SHROOM3: variants seen among roughly 807,000 people sequenced by gnomAD.
SHROOM3 encodes shroom family member 3, also known as protein Shroom3.
In SHROOM3, 47 loss-of-function variants were observed where a neutral mutation model predicts 138.6. That is an observed-to-expected ratio of 0.34 (90% confidence interval 0.27 to 0.43). The LOEUF is 0.43. SHROOM3 is among the 20% of genes least tolerant of loss of function. SHROOM3 has a pLI of 1.00. For synonymous variants in SHROOM3, 1,062 were observed against 1,063.3 expected, an observed-to-expected ratio of 1.00 and a Z score of 0.02; for missense variants, 2,491 against 2,596.5, an observed-to-expected ratio of 0.96 and a Z score of 0.88.
At chr4:76,583,036 C>A (rs185395763) in intron 2 of SHROOM3, among the ~76,000 whole-genome samples, 1 of 152,184 alleles carries the variant, frequency 6.6e-6, no homozygotes, top group Non-Finnish European at 1.5e-5. Context: ...ACATGAGGAA[C>A]AGATGCGTTT....
In SHROOM3 at chr4:76,739,290, A is replaced by G. The variant is rs372029011; in HGVS notation, c.1117A>G (p.Thr373Ala). The G allele has an allele frequency of 3.6e-5, 58 of 1,613,908 alleles. No individual in the cohort carries two copies. Among genetic ancestry groups the G allele is most frequent in the Non-Finnish European group, 8.5e-6 (10 of 1,180,012 alleles). The change falls in exon 5 of 11, where the codon ACG becomes GCG. Residue 373 changes from threonine (T) to alanine (A), a missense_variant. By Grantham distance (58) the Thr-to-Ala change is moderately conservative (BLOSUM62 0). This residue lies in a region of SHROOM3 where 1,733 missense variants were observed against 1,661.6 expected (regional missense o/e 1.04). Transcript: ENST00000296043. ...GTGCCCCAGTTCCTTGGAGACTGCCACGGACAACCTTCCTCCTAAGGTGGG... is the reference window on the plus strand; with the variant it reads ...GTGCCCCAGTTCCTTGGAGACTGCCGCGGACAACCTTCCTCCTAAGGTGGG... ...QQCPSSLETA[T>A]DNLPPKVGAP...
Position 76,488,851 on chromosome 4 carries a change from CAA to C in SHROOM3, c.168+52634_168+52635del, listed in dbSNP as rs548851092. On this transcript the variant is annotated intron_variant, in intron 1 of 10. Transcript: ENST00000296043. ...GATTCTCACAACAATCCTATGAGGT[CAA>C]AACTTGTTTTTATCCCCAATTTAGA... Among the ~76,000 whole-genome samples the C allele has an allele frequency of 2.1e-3, 256 of 120,758 alleles. 1 individual carries two copies. The highest frequency in any genetic ancestry group is 6.6e-3 in the African/African-American group (247 of 37,642). The allele number at this position is 120,758 out of a possible 152,430, so 79.2% of individuals were successfully genotyped here.
In SHROOM3 at chr4:76,754,434, T is replaced by G. The variant is rs991613138; in HGVS notation, c.3951T>G (p.Pro1317=). ...ATTCCTCCGTTCCTAGTGAATGTCCTGGAACCCTGGACCATCAGAGGCAAG... is the reference window on the plus strand; with the variant it reads ...ATTCCTCCGTTCCTAGTGAATGTCCGGGAACCCTGGACCATCAGAGGCAAG... ...IGDSSVPSEC[P]GTLDHQRQAS... Residue 1317 remains proline, a synonymous_variant, in exon 7 of 11, where the codon CCT becomes CCG. Transcript: ENST00000296043. 2 of 1,613,998 alleles carry G rather than the reference T, an allele frequency of 1.2e-6. No individual in the cohort carries two copies. Among genetic ancestry groups the G allele is most frequent in the Non-Finnish European group, 1.7e-6 (2 of 1,180,004 alleles).
At chr4:76,565,323 A>G (rs544365135) in intron 2 of SHROOM3, among the ~76,000 whole-genome samples, 1 of 152,226 alleles carries the variant, frequency 6.6e-6, no homozygotes, top group Admixed American at 6.5e-5. Context: ...GATGAGTCCC[A>G]TTTAGAAGAT....
intron 1 of SHROOM3, among the ~76,000 whole-genome samples, chr4:76,533,589 A>T (rs1351278958): frequency 6.6e-6 from 1 of 152,214 alleles, no homozygotes; most frequent in Non-Finnish European, 1.5e-5. Context: ...ACCTTAGAGA[A>T]CACTGATGTG....
At chr4:76,722,304 T>C (rs977850489) in intron 3 of SHROOM3, among the ~76,000 whole-genome samples, 13 of 152,194 alleles carry the variant, frequency 8.5e-5, no homozygotes, top group African/African-American at 3.1e-4. Flanking sequence ...GTGCTACCTA[T>C]ACACCATGGA....
At chr4:76,710,408 G>A (rs544226022) in intron 3 of SHROOM3, 121 bp downstream of exon 3, 1 of 1,219,264 alleles carries the variant, frequency 8.2e-7, no homozygotes, top group African/African-American at 1.5e-5. Context: ...TTGAGAGAGA[G>A]GTAAGAGGCA....
chr4:76,443,476 A>G (rs972011676), intron 1 of SHROOM3, among the ~76,000 whole-genome samples: 2 of 152,238 alleles, frequency 1.3e-5, no homozygotes, highest in South Asian at 4.1e-4. Context: ...TAACTAATCC[A>G]TAGACAGACT....
chr4:76,562,649 C>T (rs1733624205), intron 2 of SHROOM3, among the ~76,000 whole-genome samples: 2 of 152,080 alleles, frequency 1.3e-5, no homozygotes, highest in Admixed American at 1.3e-4. Flanking sequence ...TCACTACCAC[C>T]TCCTCACTTC....
chr4:76,491,462 C>T (rs1317666975), intron 1 of SHROOM3, among the ~76,000 whole-genome samples: 2 of 152,142 alleles, frequency 1.3e-5, no homozygotes, highest in Non-Finnish European at 2.9e-5. Context: ...TCCTAGACTC[C>T]CTTGCATGTG....
chr4:76,561,291 T>C (rs757447623), intron 2 of SHROOM3, among the ~76,000 whole-genome samples: 1 of 152,150 alleles, frequency 6.6e-6, no homozygotes, highest in Non-Finnish European at 1.5e-5. Flanking sequence ...CTAGTAGTAG[T>C]AGTATCAGTG....
chr4:76,505,266 C>T (rs1361212696), intron 1 of SHROOM3, among the ~76,000 whole-genome samples: 1 of 152,184 alleles, frequency 6.6e-6, no homozygotes, highest in Non-Finnish European at 1.5e-5. Flanking sequence ...TAGTACCCAC[C>T]TTACTAAGGT....
intron 3 of SHROOM3, chr4:76,716,058 G>A (rs1720363764): frequency 5.0e-6 from 1 of 198,556 alleles, no homozygotes; most frequent in Non-Finnish European, 1.0e-5. Context: ...CACAAAAATA[G>A]AATTCCAGCA....
At chr4:76,563,822 C>A (rs1733645548) in intron 2 of SHROOM3, among the ~76,000 whole-genome samples, 1 of 152,248 alleles carries the variant, frequency 6.6e-6, no homozygotes, top group Non-Finnish European at 1.5e-5. Flanking sequence ...ACACAGAAGA[C>A]AAATGAGAAA....
chr4:76,670,456 G>A (rs539255070), intron 2 of SHROOM3, among the ~76,000 whole-genome samples: 1 of 152,252 alleles, frequency 6.6e-6, no homozygotes, highest in African/African-American at 2.4e-5. Context: ...GATTGGGCAT[G>A]AGGGAATTTT....
At chr4:76,621,484 G>C (rs1413538227) in intron 2 of SHROOM3, among the ~76,000 whole-genome samples, 1 of 152,208 alleles carries the variant, frequency 6.6e-6, no homozygotes, top group Non-Finnish European at 1.5e-5. Context: ...TTGAGCCTTG[G>C]AGGTTATTTA....
Position 76,741,648 on chromosome 4 carries a change from A to G in SHROOM3, c.3475A>G (p.Thr1159Ala). ...PRREATLLPA[T>A]VAETQQAPRD... ...CAGGGAGGCCACGCTCCTGCCGGCCACAGTTGCAGAAACCCAGCAGGCTCC... is the reference window on the plus strand; with the variant it reads ...CAGGGAGGCCACGCTCCTGCCGGCCGCAGTTGCAGAAACCCAGCAGGCTCC... Residue 1159 changes from threonine to alanine, a missense_variant, in exon 5 of 11, where the codon ACA (threonine) becomes GCA (alanine). Around this residue, in one of 4 missense-constraint regions of SHROOM3, gnomAD observed 1,733 missense variants for 1,661.6 expected, o/e 1.04. Coordinates refer to ENST00000296043, the MANE Select transcript of SHROOM3 (RefSeq NM_020859.4). This position sits in a 1 kb window ranked among gnomAD's most constrained non-coding sequence, Gnocchi z 6.2. The G allele has an allele frequency of 6.5e-7, 1 of 1,546,642 alleles. No homozygotes were observed. The highest frequency in any genetic ancestry group is 1.4e-5 in the African/African-American group (1 of 73,538).
intron 1 of SHROOM3, among the ~76,000 whole-genome samples, chr4:76,526,195 C>T (rs923836423): frequency 3.3e-5 from 5 of 152,040 alleles, no homozygotes; most frequent in African/African-American, 9.7e-5. Context: ...GGTGAAACCC[C>T]ATCTCTACTA....
chr4:76,774,920 A>C (rs62303168), intron 10 of SHROOM3, among the ~76,000 whole-genome samples: 5 of 151,700 alleles, frequency 3.3e-5, no homozygotes. Context: ...AAGTGATCTT[A>C]TTTCTTGATT....
Sources: allele counts gnomAD v4.1 joint callset (sites outside exome capture counted in the v4.1 genomes callset), GRCh38; gene constraint gnomAD v4.1.1; regional missense constraint gnomAD v4.1.1; non-coding constraint Gnocchi (gnomAD v3.1); transcripts MANE v1.5; gene names NCBI Gene and HGNC (gene_info 2026-07-23, HGNC 2026-07-21).